Variants in PUDP observed in about 807,000 individuals in gnomAD.
PUDP encodes the protein pseudouridine-5'-phosphatase.
Under a neutral mutation model 9.4 loss-of-function variants are expected in PUDP, and 8 were observed. That is an observed-to-expected ratio of 0.85 (90% CI 0.50 to 1.53). The LOEUF (loss-of-function observed/expected upper bound fraction) is 1.53. Ranked by LOEUF, PUDP falls within the 40% of genes most tolerant of loss-of-function variation. The pLI, the probability that PUDP is intolerant of heterozygous loss-of-function variation, is 0.00. For synonymous variants in PUDP, 99 were observed against 80.7 expected (o/e 1.23, Z -1.22); for missense variants, 188 against 189.7 (o/e 0.99, Z 0.05).
At chrX:7,005,197 A>G in intron 1 of PUDP, among the ~76,000 whole-genome samples, 1 of 110,381 alleles carries the variant, frequency 9.1e-6, no homozygotes, top group Non-Finnish European at 1.9e-5. Context: ...CAGAGAAGGT[A>G]GAGTTCCATT....
chrX:7,056,034 T>G (rs1293408879), intron 3 of PUDP, among the ~76,000 whole-genome samples: 1 of 111,628 alleles, frequency 9.0e-6, no homozygotes, highest in East Asian at 2.8e-4. Flanking sequence ...ATGTTTTCAC[T>G]TAGGGGGCAG....
intron 3 of PUDP, among the ~76,000 whole-genome samples, chrX:6,789,018 G>A (rs898072922): frequency 2.7e-5 from 3 of 111,555 alleles, no homozygotes; most frequent in African/African-American, 3.3e-5. Flanking sequence ...GACCGGGCGC[G>A]GTGGCTCACG....
At chrX:6,966,987 G>C (rs1023523782) in intron 3 of PUDP, among the ~76,000 whole-genome samples, 3 of 111,867 alleles carry the variant, frequency 2.7e-5, no homozygotes, top group Non-Finnish European at 5.6e-5. Context: ...GGAAGGTAAG[G>C]GAAGTGCACC....
At chrX:6,732,078 T>C (rs752675282) in intron 3 of PUDP, among the ~76,000 whole-genome samples, 46 of 111,967 alleles carry the variant, frequency 4.1e-4, no homozygotes, top group Non-Finnish European at 7.7e-4. Context: ...GATCCCTTTA[T>C]ATTCTTTTAT....
intron 3 of PUDP, among the ~76,000 whole-genome samples, chrX:6,771,298 T>G (rs1287575451): frequency 1.8e-5 from 2 of 112,079 alleles, no homozygotes; most frequent in Admixed American, 1.9e-4. Context: ...AAGCTTCCTT[T>G]CTTTGCACGC....
At chrX:6,853,242 C>T (rs373843347) in intron 3 of PUDP, among the ~76,000 whole-genome samples, 24 of 111,248 alleles carry the variant, frequency 2.2e-4, no homozygotes, top group African/African-American at 7.8e-4. Flanking sequence ...TGAAAGAACT[C>T]AACAGAAGAC....
chrX:6,834,352 C>A (rs1477486882), intron 3 of PUDP, among the ~76,000 whole-genome samples: 1 of 111,878 alleles, frequency 8.9e-6, no homozygotes, highest in Non-Finnish European at 1.9e-5. Context: ...TGTGCACCTT[C>A]TCTGCCTTGT....
intron 1 of PUDP, among the ~76,000 whole-genome samples, chrX:6,988,948 C>A (rs944087185): frequency 2.8e-4 from 31 of 111,304 alleles, no homozygotes; most frequent in Non-Finnish European, 5.3e-4. Context: ...CGGAGGCCTG[C>A]CTGTTCAGCT....
intron 3 of PUDP, among the ~76,000 whole-genome samples, chrX:6,781,544 T>C (rs1925563026): frequency 8.9e-6 from 1 of 111,861 alleles, no homozygotes. Flanking sequence ...GGATCAAAGG[T>C]ATGTTTTTGA....
chrX:7,093,575 G>C (rs1931484178), intron 2 of PUDP, among the ~76,000 whole-genome samples: 1 of 111,603 alleles, frequency 9.0e-6, no homozygotes, highest in African/African-American at 3.3e-5. Flanking sequence ...GCAGTGTGCA[G>C]AGAGTGCTGG....
At chrX:6,773,956 T>C (rs1376857577) in intron 3 of PUDP, among the ~76,000 whole-genome samples, 13 of 111,422 alleles carry the variant, frequency 1.2e-4, no homozygotes, top group Non-Finnish European at 1.3e-4. Context: ...CTGGCCAACA[T>C]GGTGAAACCC....
chrX:6,932,316 C>T (rs1164304583), intron 3 of PUDP, among the ~76,000 whole-genome samples: 1 of 111,899 alleles, frequency 8.9e-6, no homozygotes, highest in African/African-American at 3.3e-5. Flanking sequence ...GGCTTCTCCT[C>T]CCATGATTAA....
intron 1 of PUDP, among the ~76,000 whole-genome samples, chrX:6,990,036 C>T (rs1418085499): frequency 9.1e-6 from 1 of 110,046 alleles, no homozygotes; most frequent in Non-Finnish European, 1.9e-5. Context: ...CTCCCAACGT[C>T]GCACCTTATA....
intron 3 of PUDP, among the ~76,000 whole-genome samples, chrX:6,833,620 T>C (rs1926540314): frequency 9.0e-6 from 1 of 111,621 alleles, no homozygotes; most frequent in African/African-American, 3.3e-5. Context: ...AATGGATGGA[T>C]AGAGAAAAGT....
intron 2 of PUDP, among the ~76,000 whole-genome samples, chrX:7,098,080 G>A (rs1417379178): frequency 1.8e-5 from 2 of 111,752 alleles, no homozygotes; most frequent in Non-Finnish European, 3.8e-5. Flanking sequence ...ATCCTCCTGG[G>A]TTAGGAGATG....
intron 3 of PUDP, among the ~76,000 whole-genome samples, chrX:6,771,347 C>T (rs1484203259): frequency 1.8e-5 from 2 of 112,258 alleles, no homozygotes; most frequent in Non-Finnish European, 3.8e-5. Flanking sequence ...TTTTTGAAGA[C>T]TACCCCAAAC....
intron 1 of PUDP, among the ~76,000 whole-genome samples, chrX:7,030,829 A>G (rs1929782673): frequency 9.0e-6 from 1 of 111,540 alleles, no homozygotes; most frequent in African/African-American, 3.3e-5. Context: ...GGGTTCTTGG[A>G]TCTTGCCAAG....
chrX:6,786,781 T>C (rs1925654444), intron 3 of PUDP, among the ~76,000 whole-genome samples: 1 of 112,248 alleles, frequency 8.9e-6, no homozygotes, highest in African/African-American at 3.2e-5. Context: ...ATACCCCTGG[T>C]ATTTGTTCCA....
chrX:6,708,480 T>C (rs1218318813), intron 1 of PUDP, among the ~76,000 whole-genome samples: 2 of 111,960 alleles, frequency 1.8e-5, no homozygotes, highest in African/African-American at 6.5e-5. Context: ...TGTGGAATCC[T>C]TGGGGCCTCT....
Sources: gnomAD v4.1 joint callset for allele counts (sites outside exome capture counted in the v4.1 genomes callset) on GRCh38, gnomAD v4.1.1 for gene constraint, MANE v1.5 for transcripts, NCBI Gene and HGNC (gene_info 2026-07-23, HGNC 2026-07-21) for gene names.